Variants in KCNK2 observed in about 807,000 individuals in gnomAD.
The protein encoded by KCNK2 is potassium channel subfamily K member 2.
A neutral mutation model predicts 40.5 loss-of-function variants in KCNK2; 21 were observed. That is an observed-to-expected ratio of 0.52 (90% CI 0.37 to 0.75). The LOEUF (loss-of-function observed/expected upper bound fraction) is 0.75, where lower values mean the gene tolerates loss of function less well. KCNK2 is among the 30% of genes least tolerant of loss of function. KCNK2 has a pLI of 0.00. For synonymous variants in KCNK2, 191 were observed against 202.2 expected (o/e 0.94, Z 0.47); for missense variants, 399 against 531.6 (o/e 0.75, Z 2.45).
chr1:215,157,137 G>A (rs1278125280), intron 3 of KCNK2, among the ~76,000 whole-genome samples: 3 of 152,162 alleles, frequency 2.0e-5, no homozygotes, highest in East Asian at 3.9e-4. Flanking sequence ...ATTTGGGTGG[G>A]GACACAGAGC....
intron 1 of KCNK2, among the ~76,000 whole-genome samples, chr1:215,052,089 T>C (rs1428927821): frequency 6.6e-6 from 1 of 152,184 alleles, no homozygotes; most frequent in African/African-American, 2.4e-5. Flanking sequence ...TTTCCTGTCA[T>C]GGAGCTTACA....
At chr1:215,054,667 A>G (rs4420064) in intron 1 of KCNK2, among the ~76,000 whole-genome samples, 118,805 of 152,062 alleles carry the variant, frequency 0.78, 47,405 homozygotes, top group East Asian at 0.97. Flanking sequence ...ATTTTTCTAT[A>G]AATAACAAGT....
intron 3 of KCNK2, among the ~76,000 whole-genome samples, chr1:215,141,215 A>G (rs1170463043): frequency 6.6e-6 from 1 of 152,138 alleles, no homozygotes; most frequent in African/African-American, 2.4e-5. Flanking sequence ...TATAAGTAGA[A>G]GGAGTACAAT....
intron 1 of KCNK2, among the ~76,000 whole-genome samples, chr1:215,008,038 TA>T (rs934209189): frequency 6.6e-6 from 1 of 151,786 alleles, no homozygotes; most frequent in African/African-American, 2.4e-5. Flanking sequence ...TTTTTCAGGC[TA>T]AAAGCATCTG....
At chr1:215,104,732 G>T (rs988383053) in intron 2 of KCNK2, among the ~76,000 whole-genome samples, 1 of 152,064 alleles carries the variant, frequency 6.6e-6, no homozygotes, top group Non-Finnish European at 1.5e-5. Flanking sequence ...TTAGTAAAGA[G>T]AAGTGAGACA....
intron 5 of KCNK2, among the ~76,000 whole-genome samples, chr1:215,181,130 T>C (rs1398265004): frequency 1.3e-5 from 2 of 152,192 alleles, no homozygotes; most frequent in African/African-American, 4.8e-5. Context: ...TCTGAAATTC[T>C]TTCTTCTCTT....
intron 1 of KCNK2, among the ~76,000 whole-genome samples, chr1:215,043,499 A>G (rs1208213749): frequency 6.6e-6 from 1 of 152,250 alleles, no homozygotes; most frequent in Non-Finnish European, 1.5e-5. Flanking sequence ...ATACTATGAC[A>G]TTGATGAATC....
intron 1 of KCNK2, among the ~76,000 whole-genome samples, chr1:215,018,501 A>G (rs773963430): frequency 7.2e-5 from 11 of 152,354 alleles, no homozygotes; most frequent in African/African-American, 1.2e-4. Flanking sequence ...ATTTAAATGC[A>G]TGAGTTCATG....
intron 5 of KCNK2, among the ~76,000 whole-genome samples, chr1:215,188,102 T>C (rs1664523520): frequency 6.6e-6 from 1 of 152,222 alleles, no homozygotes; most frequent in Non-Finnish European, 1.5e-5. Context: ...CATGAATTTA[T>C]TTAACCATCC....
intron 1 of KCNK2, among the ~76,000 whole-genome samples, chr1:215,027,817 G>A (rs992329203): frequency 1.3e-5 from 2 of 152,092 alleles, no homozygotes; most frequent in African/African-American, 4.8e-5. Context: ...ATATCTGTTG[G>A]ATCTAACTTG....
chr1:215,056,615 C>T (rs968997814), intron 1 of KCNK2, among the ~76,000 whole-genome samples: 24 of 103,968 alleles, frequency 2.3e-4, no homozygotes, highest in South Asian at 6.9e-4. Context: ...TGTGTCCACT[C>T]TTTTTTTTTT....
intron 1 of KCNK2, among the ~76,000 whole-genome samples, chr1:215,076,928 G>C (rs929109205): frequency 5.3e-5 from 8 of 152,220 alleles, no homozygotes; most frequent in African/African-American, 1.9e-4. Flanking sequence ...GTGGCTTAAG[G>C]TGTGGTTTGA....
chr1:215,096,427 G>A (rs1414395004), intron 2 of KCNK2, among the ~76,000 whole-genome samples: 1 of 151,894 alleles, frequency 6.6e-6, no homozygotes, highest in East Asian at 1.9e-4. Context: ...AGCATACAGT[G>A]CATAATGATT....
chr1:215,022,490 A>G (rs957785400), intron 1 of KCNK2, among the ~76,000 whole-genome samples: 2 of 152,058 alleles, frequency 1.3e-5, no homozygotes, highest in African/African-American at 2.4e-5. Flanking sequence ...GTGCCATTCT[A>G]GGTCCACAGG....
In KCNK2 at chr1:215,108,116, G is replaced by A. The variant is rs193228472; in HGVS notation, c.358-16517G>A. On this transcript the variant is annotated intron_variant, in intron 2 of 6. Coordinates refer to ENST00000444842, the MANE Select transcript of KCNK2 (RefSeq NM_001017425.3). ...ATGTACACTTTACAATAGGGTTTGAGCTCCTGTGAGAATCTAATGCCATGA... is the reference window on the plus strand; with the variant it reads ...ATGTACACTTTACAATAGGGTTTGAACTCCTGTGAGAATCTAATGCCATGA... 2.0e-5 allele frequency among the ~76,000 whole-genome samples: 3 copies of A among 152,192 alleles called. No individual in the cohort carries two copies. In the East Asian group the frequency reaches 5.8e-4, roughly 30 times the overall value.
intron 1 of KCNK2, among the ~76,000 whole-genome samples, chr1:215,053,940 C>T (rs1284438249): frequency 6.6e-6 from 1 of 152,178 alleles, no homozygotes; most frequent in African/African-American, 2.4e-5. Flanking sequence ...GCACTCCGGC[C>T]TGGGCGACAG....
intron 6 of KCNK2, among the ~76,000 whole-genome samples, chr1:215,209,424 T>TATATATTATATATATA (rs1478392800): frequency 1.8e-4 from 10 of 54,884 alleles, no homozygotes; most frequent in Non-Finnish European, 2.9e-4. Context: ...TTATATATAA[T>TATATATTATATATATA]ATATATAATA....
At chr1:215,168,340 G>T (rs1663541976) in intron 3 of KCNK2, among the ~76,000 whole-genome samples, 1 of 152,174 alleles carries the variant, frequency 6.6e-6, no homozygotes, top group South Asian at 2.1e-4. Flanking sequence ...TAGAACAGCA[G>T]TCCCATTACT....
chr1:215,091,856 C>T (rs1659705802), intron 2 of KCNK2, among the ~76,000 whole-genome samples: 1 of 152,132 alleles, frequency 6.6e-6, no homozygotes, highest in South Asian at 2.1e-4. Flanking sequence ...TACAGAGGTT[C>T]TCACCGAGGG....
Sources: gnomAD v4.1 joint callset for allele counts (sites outside exome capture counted in the v4.1 genomes callset) on GRCh38, gnomAD v4.1.1 for gene constraint, MANE v1.5 for transcripts, NCBI Gene and HGNC (gene_info 2026-07-23, HGNC 2026-07-21) for gene names.